UBASH3A: variants seen among roughly 807,000 people sequenced by gnomAD.
The protein encoded by UBASH3A is ubiquitin associated and SH3 domain containing A.
Under a neutral mutation model 73.5 loss-of-function variants are expected in UBASH3A, and 63 were observed. That is an observed-to-expected ratio of 0.86 (90% confidence interval 0.70 to 1.06). The LOEUF is 1.06. Ranked by LOEUF, UBASH3A falls within the 50% of genes least tolerant of loss-of-function variation. UBASH3A has a pLI of 0.00. For synonymous variants in UBASH3A, 363 were observed against 351.1 expected (o/e 1.03, Z -0.38); for missense variants, 860 against 859.0 (o/e 1.00, Z -0.02).
chr21:42,404,607 C>A (rs1391531799), intron 1 of UBASH3A, among the ~76,000 whole-genome samples: 1 of 152,090 alleles, frequency 6.6e-6, no homozygotes. Flanking sequence ...TCTTTGTGTG[C>A]AGCTCAGTGA....
At chr21:42,406,087 A>G (rs1325773648) in intron 1 of UBASH3A, among the ~76,000 whole-genome samples, 3 of 151,406 alleles carry the variant, frequency 2.0e-5, no homozygotes, top group Non-Finnish European at 2.9e-5. Context: ...GTAGCCAGGG[A>G]AGGACAGTGA....
At chr21:42,414,052 C>G (rs2053154361) in intron 5 of UBASH3A, among the ~76,000 whole-genome samples, 2 of 152,218 alleles carry the variant, frequency 1.3e-5, no homozygotes, top group South Asian at 4.1e-4. Flanking sequence ...AGGGCTCTCA[C>G]TCTTCAAGAA....
Position 42,425,258 on chromosome 21 carries a change from G to A in UBASH3A, c.1047-1439G>A, listed in dbSNP as rs754271952. On this transcript the variant is annotated intron_variant, in intron 7 of 14. Transcript: ENST00000319294. ...GCTAAGCTCTTTTCTTTCTCCTTCC[G>A]TCACCCATGTTCACAGCATAATCTT... is the stretch of plus-strand genomic sequence containing the variant. 5.3e-5 allele frequency among the ~76,000 whole-genome samples: 8 copies of A among 152,288 alleles called. 1 individual carries two copies. The highest frequency in any genetic ancestry group is 4.1e-4 in the South Asian group (2 of 4,830).
Position 42,437,525 on chromosome 21 carries a change from T to C in UBASH3A, c.1431T>C (p.Ser477=). 2 of 1,614,254 alleles carry C rather than the reference T, an allele frequency of 1.2e-6. No homozygotes were observed. The highest frequency in any genetic ancestry group is 1.7e-6 in the Non-Finnish European group (2 of 1,180,036). The change falls in exon 11 of 15, where the codon TCT becomes TCC. Residue 477 remains serine (S), a synonymous_variant. Transcript: ENST00000319294. ...TGGACAGTGGTATCAGAATCAGCTC[T>C]GTGTTTGCCTCCCCAGCCCTCCGCT... The part of the protein sequence containing the change: ...ALLDSGIRIS[S]VFASPALRCV...
Position 42,413,477 on chromosome 21 carries a change from C to A in UBASH3A, c.621C>A (p.Ser207Arg). Reference sequence around the variant, plus strand: ...GACATGGCCCTAACCTGAGGCTGAGCAATTTAACTAGAGCCTCCTTCGTGA... The same window carrying A: ...GACATGGCCCTAACCTGAGGCTGAGAAATTTAACTAGAGCCTCCTTCGTGA... The part of the protein sequence containing the change: ...VPGHGPNLRL[S>R]NLTRASFVSH... The change falls in exon 5 of 15, where the codon AGC becomes AGA. Residue 207 changes from serine (S) to arginine (R), a missense_variant. Transcript: ENST00000319294. The surrounding 1 kb of genome is among the most constrained non-coding windows in gnomAD (Gnocchi z 4.5). 4.3e-6 allele frequency: 7 copies of A among 1,614,126 alleles called. No homozygotes were observed. The highest frequency in any genetic ancestry group is 5.9e-6 in the Non-Finnish European group (7 of 1,179,998).
At position 42,413,504 on chromosome 21, in the gene UBASH3A, C is replaced by A; in HGVS notation, c.648C>A (p.Ser216Arg). The A allele has an allele frequency of 6.2e-7, 1 of 1,613,514 alleles. No individual in the cohort carries two copies. Among genetic ancestry groups the A allele is most frequent in the Non-Finnish European group, 8.5e-7 (1 of 1,179,486 alleles). The change falls in exon 5 of 15, where the codon AGC becomes AGA. Residue 216 changes from serine to arginine, a missense_variant. Physicochemically the swap from Ser to Arg is moderately radical, Grantham distance 110. Transcript: ENST00000319294. This position sits in a 1 kb window ranked among gnomAD's most constrained non-coding sequence, Gnocchi z 4.5. Reference sequence around the variant, plus strand: ...ATTTAACTAGAGCCTCCTTCGTGAGCCACTACATCCTTCAAAAATGTAAGC... The same window carrying A: ...ATTTAACTAGAGCCTCCTTCGTGAGACACTACATCCTTCAAAAATGTAAGC... ...LSNLTRASFV[S>R]HYILQKYCSV...
rs201345194 is a variant in UBASH3A at position 42,447,634 on chromosome 21, AG to A, written c.*442del. 1,067 of 146,912 alleles carry A rather than the reference AG, an allele frequency of 7.3e-3. 8 individuals carry two copies. The highest frequency in any genetic ancestry group is 0.013 in the East Asian group (70 of 5,202). The allele number at this position is 146,912 out of a possible 1,614,324, so 9.1% of individuals were successfully genotyped here. A position where few individuals can be genotyped will look rare whatever the true frequency, so the allele number is the denominator to read the frequency against. On this transcript the variant is annotated 3_prime_UTR_variant, in exon 15 of 15. Coordinates refer to ENST00000319294, the MANE Select transcript of UBASH3A (RefSeq NM_018961.4). ...TAGCCATATCCACATGGGCTAAAACAGGTGTAATAGTCAATAAAATGGTCCC... is the reference window on the plus strand; with the variant it reads ...TAGCCATATCCACATGGGCTAAAACAGTGTAATAGTCAATAAAATGGTCCC...
intron 10 of UBASH3A, among the ~76,000 whole-genome samples, chr21:42,436,581 T>C (rs188308569): frequency 6.6e-6 from 1 of 152,340 alleles, no homozygotes; most frequent in Admixed American, 6.5e-5. Flanking sequence ...CTTATCACTC[T>C]GTAAAAATCC....
At chr21:42,404,081 G>T (rs369004803) in intron 1 of UBASH3A, 23 bp downstream of exon 1, 2 of 1,365,460 alleles carry the variant, frequency 1.5e-6, no homozygotes, top group African/African-American at 1.5e-5. Context: ...CAGAGACCCC[G>T]GGGCCCAGCC....
chr21:42,439,684 A>G (rs2053694809), intron 11 of UBASH3A, among the ~76,000 whole-genome samples: 1 of 142,406 alleles, frequency 7.0e-6, no homozygotes, highest in African/African-American at 2.7e-5. Context: ...CACACGCCAC[A>G]CACACACTAC....
intron 3 of UBASH3A, among the ~76,000 whole-genome samples, chr21:42,412,097 C>T (rs2053110426): frequency 6.6e-6 from 1 of 152,192 alleles, no homozygotes; most frequent in African/African-American, 2.4e-5. Flanking sequence ...GTCTGGGTTT[C>T]CCCTGTGGTC....
intron 14 of UBASH3A, among the ~76,000 whole-genome samples, chr21:42,445,317 C>T (rs1013726749): frequency 5.3e-5 from 8 of 152,222 alleles, no homozygotes; most frequent in African/African-American, 1.2e-4. Flanking sequence ...CAGTCCTGAC[C>T]TTTTTATGAA....
At chr21:42,446,767 G>A (rs2053850762) in intron 14 of UBASH3A, among the ~76,000 whole-genome samples, 1 of 152,190 alleles carries the variant, frequency 6.6e-6, no homozygotes, top group African/African-American at 2.4e-5. Flanking sequence ...ACTCATTGTA[G>A]GATGTACCAC....
intron 3 of UBASH3A, among the ~76,000 whole-genome samples, chr21:42,412,747 G>C (rs3761377): frequency 0.16 from 24,597 of 152,142 alleles, 3,142 homozygotes; most frequent in African/African-American, 0.34. Context: ...GCCATGGAGG[G>C]AGGGGATGCA....
intron 8 of UBASH3A, among the ~76,000 whole-genome samples, chr21:42,427,596 TGG>T (rs1422038847): frequency 6.6e-6 from 1 of 152,164 alleles, no homozygotes; most frequent in Non-Finnish European, 1.5e-5. Flanking sequence ...ATCTGAAAAC[TGG>T]GGCTCATGGA....
In UBASH3A at chr21:42,432,232, A is replaced by G. The variant is rs757964474; in HGVS notation, c.1270+30A>G. On this transcript the variant is annotated intron_variant, in intron 9 of 14. Coordinates refer to ENST00000319294, the MANE Select transcript of UBASH3A (RefSeq NM_018961.4). ...GTCACACTCAGGCGGGTCTACGGAC[A>G]GAAACACTGTAGATCTAACCAATGA... 29 of 1,467,410 alleles carry G rather than the reference A, an allele frequency of 2.0e-5. 1 individual carries two copies. In the South Asian group the frequency reaches 3.2e-4, roughly 16 times the overall value. 90.9% of individuals were successfully genotyped at this position (1,467,410 alleles called of 1,614,324 possible).
In UBASH3A at chr21:42,434,886, G is replaced by A. The variant is rs749296137; in HGVS notation, c.1325G>A (p.Arg442His). The A allele has an allele frequency of 2.5e-5, 41 of 1,614,166 alleles. No individual in the cohort carries two copies. The Admixed American group carries it at 3.0e-4, about 12-fold the overall frequency. ...CCCTGCAGTCTGCCAAGACGGAGTC[G>A]TGGGATCAAAGACTTTGAAAACGAT... The part of the protein sequence containing the change: ...NFPCSLPRRS[R>H]GIKDFENDPP... The change falls in exon 10 of 15, where the codon CGT (arginine) becomes CAT (histidine). Residue 442 changes from arginine (R) to histidine (H), a missense_variant. Coordinates refer to ENST00000319294, the MANE Select transcript of UBASH3A (RefSeq NM_018961.4).
intron 1 of UBASH3A, among the ~76,000 whole-genome samples, chr21:42,404,383 GA>G (rs1049920027): frequency 1.5e-4 from 21 of 140,056 alleles, no homozygotes; most frequent in African/African-American, 4.9e-4. Context: ...AATATTATGA[GA>G]TTTTTTTTTT....
intron 14 of UBASH3A, 106 bp downstream of exon 14, chr21:42,444,749 G>A (rs1452864870): frequency 9.6e-6 from 9 of 941,552 alleles, no homozygotes; most frequent in Non-Finnish European, 1.4e-5. Flanking sequence ...GGCTGACCCA[G>A]GGCCACCAGG....
Sources: allele counts gnomAD v4.1 joint callset (sites outside exome capture counted in the v4.1 genomes callset), GRCh38; gene constraint gnomAD v4.1.1; non-coding constraint Gnocchi (gnomAD v3.1); transcripts MANE v1.5; gene names NCBI Gene and HGNC (gene_info 2026-07-23, HGNC 2026-07-21).